RANBP2: variants seen among roughly 807,000 people sequenced by gnomAD.
RANBP2 encodes the protein RAN binding protein 2, also known as E3 SUMO-protein ligase RanBP2.
A neutral mutation model predicts 303.6 loss-of-function variants in RANBP2; 57 were observed. The observed-to-expected ratio is 0.19, with a 90% CI of 0.15 to 0.23. The LOEUF (loss-of-function observed/expected upper bound fraction) is 0.23. Ranked by LOEUF, RANBP2 falls within the 10% of genes least tolerant of loss-of-function variation. The pLI, the probability that RANBP2 is intolerant of heterozygous loss-of-function variation, is 1.00. For synonymous variants in RANBP2, 1,167 were observed against 1,301.5 expected (o/e 0.90, Z 2.23); for missense variants, 3,138 against 3,780.8 (o/e 0.83, Z 4.46).
chr2:108,778,656 C>T (rs1678040363), intron 25 of RANBP2, among the ~76,000 whole-genome samples: 1 of 152,174 alleles, frequency 6.6e-6, no homozygotes, highest in African/African-American at 2.4e-5. Context: ...ATTTTGAATT[C>T]TTCTGCCACA....
chr2:108,793,244 A>C, the RANBP2 span, among the ~76,000 whole-genome samples: 1 of 151,826 alleles, frequency 6.6e-6, no homozygotes, highest in Non-Finnish European at 1.5e-5. Flanking sequence ...TGGCCCCTGT[A>C]GTCCCAGCTG....
the RANBP2 span, among the ~76,000 whole-genome samples, chr2:109,264,466 C>T: frequency 3.9e-5 from 6 of 152,286 alleles, no homozygotes; most frequent in African/African-American, 1.4e-4. Flanking sequence ...ATCTACCTCC[C>T]TATATGTCCT....
At chr2:109,293,533 G>C in the RANBP2 span, among the ~76,000 whole-genome samples, 1 of 152,328 alleles carries the variant, frequency 6.6e-6, no homozygotes, top group Non-Finnish European at 1.5e-5. Context: ...GTCATCCTCT[G>C]TCCCCTGCAT....
At chr2:108,867,769 A>T in the RANBP2 span, among the ~76,000 whole-genome samples, 1 of 152,120 alleles carries the variant, frequency 6.6e-6, no homozygotes. Context: ...TGGGCAACTG[A>T]AGGTTTTTGG....
the RANBP2 span, chr2:108,910,828 C>T: frequency 6.2e-7 from 1 of 1,614,022 alleles, no homozygotes; most frequent in Non-Finnish European, 8.5e-7. Flanking sequence ...CCACGCTCTT[C>T]CCCGGGTGGC....
the RANBP2 span, among the ~76,000 whole-genome samples, chr2:109,249,519 T>TTCTTTCTTTC: frequency 0.015 from 896 of 61,686 alleles, 56 homozygotes; most frequent in East Asian, 0.026. Context: ...CATTCTTTCT[T>TTCTTTCTTTC]TTTCTTTCTT....
chr2:109,063,241 A>G, the RANBP2 span, among the ~76,000 whole-genome samples: 8 of 152,170 alleles, frequency 5.3e-5, no homozygotes, highest in Non-Finnish European at 1.0e-4. Context: ...GGCTGGGAAG[A>G]TGCTGGAGAG....
the RANBP2 span, among the ~76,000 whole-genome samples, chr2:109,137,235 CT>C: frequency 6.6e-6 from 1 of 152,212 alleles, no homozygotes; most frequent in East Asian, 1.9e-4. Flanking sequence ...GTTCTCACCT[CT>C]TTTTGTTTAT....
At chr2:109,054,009 C>T in the RANBP2 span, among the ~76,000 whole-genome samples, 2 of 152,344 alleles carry the variant, frequency 1.3e-5, no homozygotes, top group African/African-American at 4.8e-5. Context: ...CTGCATCTTT[C>T]AGGGTTATGG....
the RANBP2 span, chr2:108,930,946 G>C: frequency 6.2e-7 from 1 of 1,613,698 alleles, no homozygotes; most frequent in Admixed American, 1.7e-5. Context: ...GTGGGGGTAA[G>C]GGGCTCAGAC....
At chr2:108,874,871 C>T in the RANBP2 span, among the ~76,000 whole-genome samples, 2 of 151,888 alleles carry the variant, frequency 1.3e-5, no homozygotes, top group African/African-American at 4.8e-5. Context: ...TGCCATGAAG[C>T]TGCAATAACA....
chr2:108,781,355 G>A lies in RANBP2; in HGVS notation c.8686G>A (p.Asp2896Asn), dbSNP rs1259917251. ...GTQSAGKVGEDEDGSDEEVVH... is the reference protein window; with the variant it reads ...GTQSAGKVGENEDGSDEEVVH... ...CCAGTCAGCCGGTAAAGTTGGTGAA[G>A]ATGAAGATGGTAGTGATGAAGAAGT... Residue 2896 changes from aspartate to asparagine, a missense_variant, in exon 26 of 29, where the codon GAT (aspartate) becomes AAT (asparagine). Coordinates refer to ENST00000283195, the MANE Select transcript of RANBP2 (RefSeq NM_006267.5). 6.2e-7 allele frequency: 1 copy of A among 1,614,072 alleles called. No homozygotes were observed. Among genetic ancestry groups the A allele is most frequent in the Non-Finnish European group, 8.5e-7 (1 of 1,180,030 alleles).
At chr2:108,843,383 C>T in the RANBP2 span, among the ~76,000 whole-genome samples, 1 of 152,126 alleles carries the variant, frequency 6.6e-6, no homozygotes, top group Non-Finnish European at 1.5e-5. Context: ...GTCTCGAACT[C>T]CTGACCTCAA....
the RANBP2 span, among the ~76,000 whole-genome samples, chr2:109,620,369 C>T: frequency 6.6e-6 from 1 of 152,126 alleles, no homozygotes; most frequent in Non-Finnish European, 1.5e-5. Context: ...AACTGTACTT[C>T]GTGAGCGATT....
chr2:109,648,320 C>A, the RANBP2 span, among the ~76,000 whole-genome samples: 1 of 152,166 alleles, frequency 6.6e-6, no homozygotes, highest in Admixed American at 6.5e-5. Flanking sequence ...GTGGGAGTCC[C>A]TGGAAGATTT....
the RANBP2 span, among the ~76,000 whole-genome samples, chr2:109,580,820 T>C: frequency 2.0e-4 from 31 of 152,318 alleles, 1 homozygote; most frequent in Admixed American, 1.6e-3. Context: ...CCCTACCATG[T>C]CCCAGCTTCC....
chr2:109,137,700 A>G, the RANBP2 span, among the ~76,000 whole-genome samples: 1 of 152,254 alleles, frequency 6.6e-6, no homozygotes, highest in African/African-American at 2.4e-5. Flanking sequence ...AGGCTTAGGC[A>G]CATTTCAGTA....
At chr2:109,318,692 T>C in the RANBP2 span, among the ~76,000 whole-genome samples, 47,344 of 152,028 alleles carry the variant, frequency 0.31, 9,127 homozygotes, top group African/African-American at 0.55. Context: ...TCTCAGATCA[T>C]GCCCTGGCCA....
chr2:108,847,049 A>G, the RANBP2 span: 1 of 665,748 alleles, frequency 1.5e-6, no homozygotes, highest in Non-Finnish European at 2.6e-6. Context: ...GAATTGTTTT[A>G]TAATGGTTAC....
Sources: allele counts gnomAD v4.1 joint callset (sites outside exome capture counted in the v4.1 genomes callset), GRCh38; gene constraint gnomAD v4.1.1; transcripts MANE v1.5; gene names NCBI Gene and HGNC (gene_info 2026-07-23, HGNC 2026-07-21).